The following PARP1 variants were observed in gnomAD, a reference collection of about 807,000 sequenced individuals.
PARP1 encodes poly [ADP-ribose] polymerase 1.
In PARP1, 44 loss-of-function variants were observed where a neutral mutation model predicts 118.7. The observed-to-expected ratio is 0.37, with a 90% CI of 0.29 to 0.48. The LOEUF is 0.48. PARP1 is among the 20% of genes least tolerant of loss of function. The pLI is 0.99. For missense variants in PARP1, 1,100 were observed against 1,272.4 expected (o/e 0.86, Z 2.06); for synonymous variants, 492 against 483.2 (o/e 1.02, Z -0.24).
rs1664600497 is a variant in PARP1, at chr1:226,381,220, G to C, written c.1160-12C>G. On this transcript the variant is annotated splice_polypyrimidine_tract_variant and intron_variant, in intron 8 of 22. Transcript: ENST00000366794. The stretch of plus-strand genomic sequence containing the variant: ...GGATAATGGCTTATCTGGGATGAAA[G>C]GAGAGAATCATTCAGCAAGGCCAGC... 1 of 1,614,080 alleles carries C rather than the reference G, an allele frequency of 6.2e-7. No homozygotes were observed. The highest frequency in any genetic ancestry group is 8.5e-7 in the Non-Finnish European group (1 of 1,180,034).
chr1:226,384,394 G>C (rs2102737942), intron 7 of PARP1, among the ~76,000 whole-genome samples: 1 of 152,366 alleles, frequency 6.6e-6, no homozygotes, highest in Middle Eastern at 3.4e-3. Context: ...AAGTGCCTGG[G>C]GGCAACAGTG....
intron 1 of PARP1, among the ~76,000 whole-genome samples, chr1:226,402,848 A>G (rs898471818): frequency 3.9e-5 from 6 of 152,220 alleles, no homozygotes; most frequent in African/African-American, 1.4e-4. Flanking sequence ...TGCCCCAGAA[A>G]AGGGCTCTTT....
Position 226,361,393 on chromosome 1 carries a change from T to C in PARP1, c.*67A>G. ...TCAGCAACTTAGCGGCCAGGTGAGTTGGTGCAGAAGCGCTTCGGGTGAATT... is the reference window on the plus strand; with the variant it reads ...TCAGCAACTTAGCGGCCAGGTGAGTCGGTGCAGAAGCGCTTCGGGTGAATT... On this transcript the variant is annotated 3_prime_UTR_variant, in exon 23 of 23. Coordinates refer to ENST00000366794, the MANE Select transcript of PARP1 (RefSeq NM_001618.4). The C allele has an allele frequency of 9.9e-7, 1 of 1,007,590 alleles. No homozygotes were observed. Among genetic ancestry groups the C allele is most frequent in the Non-Finnish European group, 1.6e-6 (1 of 634,694 alleles). 62.4% of individuals were successfully genotyped at this position (1,007,590 alleles called of 1,614,324 possible).
chr1:226,397,720 T>C (rs1449090312), intron 2 of PARP1, among the ~76,000 whole-genome samples: 2 of 152,148 alleles, frequency 1.3e-5, no homozygotes, highest in Non-Finnish European at 2.9e-5. Context: ...CCTTCTGCCA[T>C]GACAGTAACA....
chr1:226,383,148 C>T lies in PARP1; in HGVS notation c.1047G>A (p.Lys349=), dbSNP rs1480359325. The T allele has an allele frequency of 1.2e-6, 2 of 1,612,914 alleles. No homozygotes were observed. The highest frequency in any genetic ancestry group is 1.8e-4 in the Middle Eastern group (1 of 5,628). Residue 349 remains lysine, a synonymous_variant, in exon 8 of 23, where the codon AAG becomes AAA. Transcript: ENST00000366794. ...GGAATATACGGTCCTGTTTTTTAAC[C>T]TTCAATTTCTTGAGGTAAGAGATTT... is the stretch of plus-strand genomic sequence containing the variant. ...FREISYLKKL[K]VKKQDRIFPP...
At chr1:226,362,162 A>C (rs1664155941) in intron 21 of PARP1, 79 bp from the exon 22 acceptor site, 2 of 794,200 alleles carry the variant, frequency 2.5e-6, no homozygotes, top group Non-Finnish European at 4.5e-6. Context: ...GCTCTATTTG[A>C]TGTTGGGTCC....
chr1:226,369,390 C>T (rs190123718), intron 15 of PARP1, among the ~76,000 whole-genome samples: 13 of 152,256 alleles, frequency 8.5e-5, no homozygotes, highest in Admixed American at 5.9e-4. Context: ...TGGAAGGCTC[C>T]GGGACTGGTA....
chr1:226,364,089 G>T lies in PARP1; in HGVS notation c.2659-19C>A. ...AGCCTGTCTGGAAGGTCGGAAAAGG[G>T]AGAGCTGAGAATCTTCTGATGGGAA... On this transcript the variant is annotated intron_variant, in intron 19 of 22. Transcript: ENST00000366794. The T allele has an allele frequency of 1.9e-6, 3 of 1,613,356 alleles. No homozygotes were observed. The highest frequency in any genetic ancestry group is 2.5e-6 in the Non-Finnish European group (3 of 1,179,414).
In PARP1 at chr1:226,364,998, A is replaced by C; in HGVS notation, c.2658+4T>G. 2 of 1,613,672 alleles carry C rather than the reference A, an allele frequency of 1.2e-6. No individual in the cohort carries two copies. The highest frequency in any genetic ancestry group is 1.1e-5 in the South Asian group (1 of 91,058). Reference sequence around the variant, plus strand: ...GCCCACCCCTCGCCAGGCCAGGCACATACCACGGGCGCTTCAGGCGGGGCT... The same window carrying C: ...GCCCACCCCTCGCCAGGCCAGGCACCTACCACGGGCGCTTCAGGCGGGGCT... On this transcript the variant is annotated splice_donor_region_variant and intron_variant, in intron 19 of 22. Coordinates refer to ENST00000366794, the MANE Select transcript of PARP1 (RefSeq NM_001618.4).
Position 226,402,285 on chromosome 1 carries a change from T to C in PARP1, c.215A>G (p.Asp72Gly), listed in dbSNP as rs147105590. 1.9e-5 allele frequency: 31 copies of C among 1,614,030 alleles called. No individual in the cohort carries two copies. The highest frequency in any genetic ancestry group is 2.5e-5 in the Non-Finnish European group (29 of 1,180,052). Residue 72 changes from aspartate (D) to glycine (G), a missense_variant, in exon 2 of 23, where the codon GAT becomes GGT. By Grantham distance (94) the Asp-to-Gly change is moderately conservative. Transcript: ENST00000366794. Reference protein sequence around the residue: ...HSIRHPDVEVDGFSELRWDDQ... With the variant: ...HSIRHPDVEVGGFSELRWDDQ... ...ATCCCACCGAAGCTCAGAGAACCCATCCACCTCAACGTCAGGGTGCCGGAT... is the reference window on the plus strand; with the variant it reads ...ATCCCACCGAAGCTCAGAGAACCCACCCACCTCAACGTCAGGGTGCCGGAT...
chr1:226,386,409 C>G lies in PARP1; in HGVS notation c.751G>C (p.Glu251Gln), dbSNP rs774509517. The change falls in exon 6 of 23, where the codon GAG becomes CAG. Residue 251 changes from glutamate to glutamine, a missense_variant. Physicochemically the swap from Glu to Gln is conservative, Grantham distance 29 (BLOSUM62 2). Around this residue, in one of 2 missense-constraint regions of PARP1, gnomAD observed 948 missense variants for 1,031.8 expected, o/e 0.92. Transcript: ENST00000366794. ...QNDLIWNIKD[E>Q]LKKVCSTNDL... ...TTAGTTGAACACACTTTCTTTAGCT[C>G]GTCCTTGATGTTCCAGATCAGGTCG... The G allele has an allele frequency of 2.5e-6, 4 of 1,613,784 alleles. No homozygotes were observed. In the African/African-American group the frequency reaches 5.3e-5, roughly 22 times the overall value.
intron 15 of PARP1, among the ~76,000 whole-genome samples, chr1:226,369,680 T>G (rs1021294013): frequency 1.3e-5 from 2 of 152,086 alleles, no homozygotes; most frequent in African/African-American, 4.8e-5. Context: ...TCAGGCCAGG[T>G]GTGGTGGCTC....
Position 226,367,240 on chromosome 1 carries a change from G to A in PARP1, c.2406+240C>T, listed in dbSNP as rs1664288551. ...AAAATAAATTTGTACGCCAAGCTGAGGTGCTGGCTTGGAAGGCTGCCTTGC... is the reference window on the plus strand; with the variant it reads ...AAAATAAATTTGTACGCCAAGCTGAAGTGCTGGCTTGGAAGGCTGCCTTGC... On this transcript the variant is annotated intron_variant, in intron 17 of 22. Transcript: ENST00000366794. 9 of 555,378 alleles carry A rather than the reference G, an allele frequency of 1.6e-5. No homozygotes were observed. In the South Asian group the frequency reaches 1.8e-4, roughly 11 times the overall value. The allele number at this position is 555,378 out of a possible 1,614,324, so 34.4% of individuals were successfully genotyped here. A position where few individuals can be genotyped will look rare whatever the true frequency, so the allele number is the denominator to read the frequency against.
intron 1 of PARP1, 79 bp downstream of exon 1, chr1:226,407,731 C>T (rs2102750150): frequency 7.1e-7 from 1 of 1,413,576 alleles, no homozygotes; most frequent in Non-Finnish European, 9.4e-7. Context: ...TCCCTGGGCC[C>T]GCCCTCCCCC....
chr1:226,388,881 A>G (rs1167879410), intron 4 of PARP1, 126 bp from the exon 5 acceptor site: 1 of 786,764 alleles, frequency 1.3e-6, no homozygotes, highest in Non-Finnish European at 2.3e-6. Context: ...CACACTTGTC[A>G]CTCCCTAACC....
intron 21 of PARP1, 33 bp downstream of exon 21, chr1:226,363,066 C>T (rs377181491): frequency 2.6e-6 from 4 of 1,551,228 alleles, no homozygotes; most frequent in South Asian, 1.1e-5. Context: ...CAGGGTGCCT[C>T]GGGCTGTAGC....
chr1:226,379,846 G>T, intron 10 of PARP1, 76 bp downstream of exon 10: 1 of 1,604,716 alleles, frequency 6.2e-7, no homozygotes, highest in South Asian at 1.1e-5. Context: ...CACAAAGGGA[G>T]AGGTTCCGTG....
intron 11 of PARP1, 131 bp from the exon 12 acceptor site, chr1:226,379,405 C>A: frequency 1.5e-6 from 2 of 1,304,400 alleles, no homozygotes; most frequent in Non-Finnish European, 1.1e-6. Flanking sequence ...AGGCTCCCCA[C>A]AAATGTGTGT....
intron 5 of PARP1, among the ~76,000 whole-genome samples, 153 bp downstream of exon 5, chr1:226,388,503 G>T (rs572640825): frequency 6.6e-6 from 1 of 152,186 alleles, no homozygotes; most frequent in African/African-American, 2.4e-5. Flanking sequence ...GGAGGAAAAA[G>T]AATCTGGGGA....
Sources: gnomAD v4.1 joint callset for allele counts (sites outside exome capture counted in the v4.1 genomes callset) on GRCh38, gnomAD v4.1.1 for gene constraint, gnomAD v4.1.1 regional missense constraint, MANE v1.5 for transcripts, NCBI Gene and HGNC (gene_info 2026-07-23, HGNC 2026-07-21) for gene names.